WWOX: variants seen among roughly 807,000 people sequenced by gnomAD.
WWOX encodes the protein WW domain containing oxidoreductase.
In WWOX, 69 loss-of-function variants were observed where a neutral mutation model predicts 46.2. That is an observed-to-expected ratio of 1.49 (90% CI 1.23 to 1.82). WWOX has a LOEUF of 1.82. Among genes scored for constraint, WWOX ranks in the 40% most tolerant of loss-of-function variants. The probability of loss-of-function intolerance (pLI) is 0.00; values close to 1 mark genes in which losing one functional copy is unlikely to be tolerated. For synonymous variants in WWOX, 359 were observed against 202.6 expected (o/e 1.77, Z -6.56); for missense variants, 919 against 542.6 (o/e 1.69, Z -6.89).
chr16:79,006,494 A>G (rs749532712), intron 8 of WWOX, among the ~76,000 whole-genome samples: 40 of 150,806 alleles, frequency 2.7e-4, no homozygotes, highest in Admixed American at 5.3e-4. Context: ...TTAGCCCCTG[A>G]TCTGAGTTAC....
At chr16:78,673,770 C>A (rs984767894) in intron 8 of WWOX, among the ~76,000 whole-genome samples, 4 of 152,160 alleles carry the variant, frequency 2.6e-5, no homozygotes, top group African/African-American at 9.7e-5. Context: ...CATGTTATTT[C>A]AATACAACCC....
At chr16:78,899,721 T>G (rs1282068695) in intron 8 of WWOX, 3 of 152,226 alleles carry the variant, frequency 2.0e-5, no homozygotes, top group Non-Finnish European at 4.4e-5. Flanking sequence ...CTTTTTAGTT[T>G]TAAAAGTTTA....
rs532402716 is a variant in WWOX at position 78,229,854 on chromosome 16, T to C, written c.516+65565T>C. On this transcript the variant is annotated intron_variant, in intron 5 of 8. Coordinates refer to ENST00000566780, the MANE Select transcript of WWOX (RefSeq NM_016373.4). ...AGAGCCATATCTCAGCTATTTCTTT[T>C]CATTTCTTGTGTATAGTTCAACATC... Among the ~76,000 whole-genome samples the C allele has an allele frequency of 1.6e-4, 24 of 152,248 alleles. No homozygotes were observed. In the South Asian group the frequency reaches 3.5e-3, roughly 22 times the overall value.
chr16:78,706,075 T>TTTTC (rs1567504448), intron 8 of WWOX, among the ~76,000 whole-genome samples: 1 of 151,124 alleles, frequency 6.6e-6, no homozygotes, highest in South Asian at 2.1e-4. Flanking sequence ...TTTTTTTTTT[T>TTTTC]TTTTGACTAA....
intron 8 of WWOX, among the ~76,000 whole-genome samples, chr16:78,502,151 C>T (rs2085086390): frequency 6.6e-6 from 1 of 152,132 alleles, no homozygotes; most frequent in South Asian, 2.1e-4. Context: ...TGCCCTTAGC[C>T]CTCCAATATC....
chr16:79,005,649 C>G (rs1321887199), intron 8 of WWOX, among the ~76,000 whole-genome samples: 2 of 152,152 alleles, frequency 1.3e-5, no homozygotes, highest in Non-Finnish European at 2.9e-5. Context: ...TTGTCCATGT[C>G]TCTCTATGTC....
At chr16:78,316,517 A>G (rs1369336515) in intron 5 of WWOX, among the ~76,000 whole-genome samples, 4 of 151,874 alleles carry the variant, frequency 2.6e-5, no homozygotes, top group Non-Finnish European at 5.9e-5. Flanking sequence ...TAATTTTGGT[A>G]TTTTTAATAG....
rs115330576 is a variant in WWOX at position 78,749,938 on chromosome 16, G to T, written c.1056+317186G>T. ...AAGGTCAGAGAGTAGACTTTTAAAAGTCTTGCACTGTTTACAAGTCAGATG... is the reference window on the plus strand; with the variant it reads ...AAGGTCAGAGAGTAGACTTTTAAAATTCTTGCACTGTTTACAAGTCAGATG... On this transcript the variant is annotated intron_variant, in intron 8 of 8. Coordinates refer to ENST00000566780, the MANE Select transcript of WWOX (RefSeq NM_016373.4). 3.7e-3 allele frequency among the ~76,000 whole-genome samples: 564 copies of T among 152,262 alleles called. 4 individuals carry two copies. The highest frequency in any genetic ancestry group is 0.013 in the African/African-American group (545 of 41,552).
At chr16:78,876,641 C>T (rs1174682209) in intron 8 of WWOX, among the ~76,000 whole-genome samples, 1 of 152,110 alleles carries the variant, frequency 6.6e-6, no homozygotes, top group African/African-American at 2.4e-5. Flanking sequence ...CTAGAGATCT[C>T]TAAAAGGCAG....
At chr16:78,331,329 ATTT>A (rs1216855825) in intron 5 of WWOX, among the ~76,000 whole-genome samples, 2 of 152,176 alleles carry the variant, frequency 1.3e-5, no homozygotes, top group Non-Finnish European at 2.9e-5. Flanking sequence ...TGGCATATTT[ATTT>A]TTATCTGTGT....
intron 6 of WWOX, among the ~76,000 whole-genome samples, chr16:78,419,131 C>G (rs1341701298): frequency 1.3e-5 from 2 of 152,110 alleles, no homozygotes; most frequent in African/African-American, 4.8e-5. Context: ...ATGCGTAAGT[C>G]AATTGTATTT....
At chr16:78,571,578 G>A (rs886104346) in intron 8 of WWOX, among the ~76,000 whole-genome samples, 14 of 152,138 alleles carry the variant, frequency 9.2e-5, no homozygotes, top group African/African-American at 2.2e-4. Flanking sequence ...AGTTAGAGGC[G>A]TTGCAGTTGG....
intron 6 of WWOX, among the ~76,000 whole-genome samples, chr16:78,391,011 C>T (rs1272466385): frequency 6.6e-6 from 1 of 152,126 alleles, no homozygotes. Flanking sequence ...AAGTGTTTCT[C>T]CACACTGGGA....
chr16:78,472,836 A>AAT (rs1421843878), intron 8 of WWOX, among the ~76,000 whole-genome samples: 5,965 of 135,392 alleles, frequency 0.044, 379 homozygotes, highest in African/African-American at 0.055. Context: ...AAAAAAAAAA[A>AAT]TTATGTCATT....
In WWOX at chr16:78,424,067, T is replaced by G. The variant is rs922192768; in HGVS notation, c.606-803T>G. Among the ~76,000 whole-genome samples the G allele has an allele frequency of 3.3e-5, 5 of 151,796 alleles. No individual in the cohort carries two copies. The East Asian group carries it at 9.7e-4, about 29-fold the overall frequency. On this transcript the variant is annotated intron_variant, in intron 6 of 8. Transcript: ENST00000566780. ...AGTGCTGGGTCCTGTGTCAGTTGTT[T>G]TGTTTTTTCTTTTTCTTTGTTTTTC...
intron 8 of WWOX, among the ~76,000 whole-genome samples, chr16:78,546,114 A>T (rs1387874631): frequency 3.3e-5 from 5 of 152,184 alleles, no homozygotes; most frequent in Non-Finnish European, 5.9e-5. Flanking sequence ...TTTATGGAAG[A>T]AGAAAGACGG....
At chr16:78,423,397 T>G (rs1345119107) in intron 6 of WWOX, among the ~76,000 whole-genome samples, 1 of 152,250 alleles carries the variant, frequency 6.6e-6, no homozygotes, top group African/African-American at 2.4e-5. Context: ...ATGGTATATT[T>G]AGTTTACTTT....
intron 8 of WWOX, among the ~76,000 whole-genome samples, chr16:78,762,543 A>G (rs768806950): frequency 6.6e-6 from 1 of 152,248 alleles, no homozygotes; most frequent in Non-Finnish European, 1.5e-5. Context: ...AATTCAGAGC[A>G]TAGGGCAGCA....
rs367577631 is a variant in WWOX, at chr16:78,996,376, A to T, written c.1057-215232A>T. ...AAGAGTGTGAGTGAATTCTGCACCC[A>T]CCCCCGCCCCCCAGCTTCCCCACCT... On this transcript the variant is annotated intron_variant, in intron 8 of 8. Coordinates refer to ENST00000566780, the MANE Select transcript of WWOX (RefSeq NM_016373.4). 15 of 472,394 alleles carry T rather than the reference A, an allele frequency of 3.2e-5. No homozygotes were observed. In the Admixed American group the frequency reaches 6.7e-4, roughly 21 times the overall value. 29.3% of individuals were successfully genotyped at this position (472,394 alleles called of 1,614,324 possible).
Sources: allele counts gnomAD v4.1 joint callset (sites outside exome capture counted in the v4.1 genomes callset), GRCh38; gene constraint gnomAD v4.1.1; transcripts MANE v1.5; gene names NCBI Gene and HGNC (gene_info 2026-07-23, HGNC 2026-07-21).